S100A9: variants seen among roughly 807,000 people sequenced by gnomAD.
S100A9 encodes the protein S100 calcium binding protein A9, also known as protein S100-A9.
Under a neutral mutation model 4.3 loss-of-function variants are expected in S100A9, and 2 were observed. That is an observed-to-expected ratio of 0.47 (90% CI 0.19 to 1.48). The LOEUF is 1.48. S100A9 is among the 40% of genes most tolerant of loss of function. S100A9 has a pLI of 0.24. For synonymous variants in S100A9, 67 were observed against 54.0 expected (o/e 1.24, Z -1.06); for missense variants, 130 against 144.4 (o/e 0.90, Z 0.51).
Position 153,360,399 on chromosome 1 carries a change from C to T in S100A9, c.151-245C>T, listed in dbSNP as rs543406695. 1.6e-4 allele frequency among the ~76,000 whole-genome samples: 25 copies of T among 152,290 alleles called. No homozygotes were observed. The South Asian group carries it at 5.2e-3, about 32-fold the overall frequency. ...GGGCAAGACCCTGGAACTCAGCTTCCTCTTCTATAAATAGAGAATCAGCAC... is the reference window on the plus strand; with the variant it reads ...GGGCAAGACCCTGGAACTCAGCTTCTTCTTCTATAAATAGAGAATCAGCAC... On this transcript the variant is annotated intron_variant, in intron 2 of 2. Transcript: ENST00000368738.
At chr1:153,359,257 C>T (rs1227430310) in intron 2 of S100A9, among the ~76,000 whole-genome samples, 1 of 152,046 alleles carries the variant, frequency 6.6e-6, no homozygotes, top group Non-Finnish European at 1.5e-5. Context: ...TGGGGTAGGT[C>T]CCCAGCCCTC....
At chr1:153,358,628 A>T (rs569420520) in intron 2 of S100A9, among the ~76,000 whole-genome samples, 195 bp downstream of exon 2, 1 of 152,310 alleles carries the variant, frequency 6.6e-6, no homozygotes, top group East Asian at 1.9e-4. Flanking sequence ...GAAATTGCTC[A>T]ATTGAACACC....
rs759389626 is a variant in S100A9 at position 153,358,287 on chromosome 1, A to T, written c.4A>T (p.Thr2Ser). ...TACACAGACAGAGTGCAAGACGATG[A>T]CTTGCAAAATGTCGCAGCTGGAACG... M[T>S]CKMSQLERNI... The change falls in exon 2 of 3, where the codon ACT (threonine) becomes TCT (serine). Residue 2 changes from threonine to serine, a missense_variant. Physicochemically the swap from Thr to Ser is moderately conservative, Grantham distance 58. Coordinates refer to ENST00000368738, the MANE Select transcript of S100A9 (RefSeq NM_002965.4). The T allele has an allele frequency of 6.3e-6, 10 of 1,594,044 alleles. No homozygotes were observed. The African/African-American group carries it at 1.2e-4, about 19-fold the overall frequency.
intron 2 of S100A9, among the ~76,000 whole-genome samples, chr1:153,359,077 T>A (rs898307538): frequency 6.6e-6 from 1 of 152,154 alleles, no homozygotes; most frequent in Admixed American, 6.5e-5. Flanking sequence ...TGGGAGGTTT[T>A]TCCCCCGCTC....
chr1:153,357,906 G>C (rs1661375630), intron 1 of S100A9, 25 bp downstream of exon 1: 1 of 158,450 alleles, frequency 6.3e-6, no homozygotes, highest in Non-Finnish European at 1.4e-5. Context: ...AGCTTCCCCA[G>C]GCAGAAGCCT....
chr1:153,359,930 C>G (rs1363596071), intron 2 of S100A9, among the ~76,000 whole-genome samples: 2 of 152,034 alleles, frequency 1.3e-5, no homozygotes, highest in African/African-American at 4.8e-5. Context: ...CTTAGGTGAT[C>G]TGCCTGCCTC....
rs780199670 is a variant in S100A9, at chr1:153,358,347, T to C, written c.64T>C (p.Tyr22His). ...GACCATCATCAACACCTTCCACCAA[T>C]ACTCTGTGAAGCTGGGGCACCCAGA... ...IETIINTFHQ[Y>H]SVKLGHPDTL... The change falls in exon 2 of 3, where the codon TAC becomes CAC. Residue 22 changes from tyrosine (Y) to histidine (H), a missense_variant. Physicochemically the swap from Tyr to His is moderately conservative, Grantham distance 83. Transcript: ENST00000368738. 1.9e-6 allele frequency: 3 copies of C among 1,613,238 alleles called. No homozygotes were observed. The highest frequency in any genetic ancestry group is 1.1e-5 in the South Asian group (1 of 90,964).
chr1:153,358,770 G>A (rs1333011234), intron 2 of S100A9, among the ~76,000 whole-genome samples: 1 of 152,186 alleles, frequency 6.6e-6, no homozygotes, highest in Non-Finnish European at 1.5e-5. Flanking sequence ...ATGCCAATAA[G>A]TGCCTGGAAG....
chr1:153,360,623 G>A, intron 2 of S100A9, 21 bp from the exon 3 acceptor site: 1 of 1,568,538 alleles, frequency 6.4e-7, no homozygotes, highest in Non-Finnish European at 8.7e-7. Context: ...AGCTCTCACA[G>A]CCTTCTCTCC....
chr1:153,358,359 C>G lies in S100A9; in HGVS notation c.76C>G (p.Leu26Val). 6.2e-7 allele frequency: 1 copy of G among 1,613,342 alleles called. No homozygotes were observed. The highest frequency in any genetic ancestry group is 8.5e-7 in the Non-Finnish European group (1 of 1,179,468). The change falls in exon 2 of 3, where the codon CTG becomes GTG. Residue 26 changes from leucine (L) to valine (V), a missense_variant. Transcript: ENST00000368738. The part of the protein sequence containing the change: ...INTFHQYSVK[L>V]GHPDTLNQGE... The stretch of plus-strand genomic sequence containing the variant: ...CACCTTCCACCAATACTCTGTGAAG[C>G]TGGGGCACCCAGACACCCTGAACCA...
chr1:153,359,080 C>T (rs1661399046), intron 2 of S100A9, among the ~76,000 whole-genome samples: 1 of 152,070 alleles, frequency 6.6e-6, no homozygotes, highest in South Asian at 2.1e-4. Flanking sequence ...GAGGTTTTTC[C>T]CCCGCTCCAA....
rs772744514 is a variant in S100A9 at position 153,360,853 on chromosome 1, A to G, written c.*15A>G. 2.2e-5 allele frequency: 34 copies of G among 1,566,762 alleles called. 1 individual carries two copies. In the South Asian group the frequency reaches 3.9e-4, roughly 18 times the overall value. On this transcript the variant is annotated 3_prime_UTR_variant, in exon 3 of 3. Coordinates refer to ENST00000368738, the MANE Select transcript of S100A9 (RefSeq NM_002965.4). ...GCACCCCCTAAGACCACAGTGGCCA[A>G]GATCACAGTGGCCACGGCCACGGCC... is the stretch of plus-strand genomic sequence containing the variant.
Position 153,358,403 on chromosome 1 carries a change from G to C in S100A9, c.120G>C (p.Leu40=), listed in dbSNP as rs1424650910. 2 of 1,611,718 alleles carry C rather than the reference G, an allele frequency of 1.2e-6. No individual in the cohort carries two copies. The highest frequency in any genetic ancestry group is 2.7e-5 in the African/African-American group (2 of 74,828). Residue 40 remains leucine (L), a synonymous_variant, in exon 2 of 3, where the codon CTG becomes CTC. Coordinates refer to ENST00000368738, the MANE Select transcript of S100A9 (RefSeq NM_002965.4). The part of the protein sequence containing the change: ...DTLNQGEFKE[L]VRKDLQNFLK... ...TGAACCAGGGGGAATTCAAAGAGCTGGTGCGAAAAGATCTGCAAAATTTTC... is the reference window on the plus strand; with the variant it reads ...TGAACCAGGGGGAATTCAAAGAGCTCGTGCGAAAAGATCTGCAAAATTTTC...
In S100A9 at chr1:153,360,829, C is replaced by T; in HGVS notation, c.336C>T (p.Gly112=). The change falls in exon 3 of 3, where the codon GGC becomes GGT. Residue 112 remains glycine (G), a synonymous_variant. Coordinates refer to ENST00000368738, the MANE Select transcript of S100A9 (RefSeq NM_002965.4). ...GHHHKPGLGE[G]TP is the part of the protein sequence containing the mutation. Reference sequence around the variant, plus strand: ...ACCATAAGCCAGGCCTCGGGGAGGGCACCCCCTAAGACCACAGTGGCCAAG... The same window carrying T: ...ACCATAAGCCAGGCCTCGGGGAGGGTACCCCCTAAGACCACAGTGGCCAAG... 1 of 1,604,450 alleles carries T rather than the reference C, an allele frequency of 6.2e-7. No individual in the cohort carries two copies. Among genetic ancestry groups the T allele is most frequent in the South Asian group, 1.1e-5 (1 of 89,824 alleles).
In S100A9 at chr1:153,360,921, A is replaced by G; in HGVS notation, c.*83A>G. ...GGCCACAGCCACTAATCAGGAGGCC[A>G]GGCCACCCTGCCTCTACCCAACCAG... On this transcript the variant is annotated 3_prime_UTR_variant, in exon 3 of 3. Coordinates refer to ENST00000368738, the MANE Select transcript of S100A9 (RefSeq NM_002965.4). The G allele has an allele frequency of 8.9e-7, 1 of 1,129,304 alleles. No homozygotes were observed. The highest frequency in any genetic ancestry group is 1.2e-6 in the Non-Finnish European group (1 of 807,360). 70.0% of individuals were successfully genotyped at this position (1,129,304 alleles called of 1,614,324 possible).
intron 2 of S100A9, among the ~76,000 whole-genome samples, chr1:153,359,372 G>A (rs1343645301): frequency 1.3e-5 from 2 of 152,120 alleles, no homozygotes; most frequent in Non-Finnish European, 2.9e-5. Context: ...GCAGGATGCT[G>A]GGTGGGGTAG....
Position 153,360,949 on chromosome 1 carries a change from C to A in S100A9, c.*111C>A. The A allele has an allele frequency of 1.3e-6, 1 of 790,110 alleles. No individual in the cohort carries two copies. Among genetic ancestry groups the A allele is most frequent in the Middle Eastern group, 3.8e-4 (1 of 2,664 alleles). 48.9% of individuals were successfully genotyped at this position (790,110 alleles called of 1,614,324 possible). On this transcript the variant is annotated 3_prime_UTR_variant, in exon 3 of 3. Coordinates refer to ENST00000368738, the MANE Select transcript of S100A9 (RefSeq NM_002965.4). ...CCACCCTGCCTCTACCCAACCAGGG[C>A]CCCGGGGCCTGTTATGTCAAACTGT...
chr1:153,360,045 C>A (rs1661419961), intron 2 of S100A9, among the ~76,000 whole-genome samples: 1 of 152,102 alleles, frequency 6.6e-6, no homozygotes, highest in Middle Eastern at 3.2e-3. Context: ...ATACTCTGCT[C>A]TCTGACCCTC....
intron 2 of S100A9, among the ~76,000 whole-genome samples, chr1:153,358,848 G>A (rs1661395519): frequency 6.6e-6 from 1 of 152,068 alleles, no homozygotes; most frequent in Non-Finnish European, 1.5e-5. Flanking sequence ...TAGGGTACAT[G>A]AGAAGGGCCT....
Sources: allele counts gnomAD v4.1 joint callset (sites outside exome capture counted in the v4.1 genomes callset), GRCh38; gene constraint gnomAD v4.1.1; transcripts MANE v1.5; gene names NCBI Gene and HGNC (gene_info 2026-07-23, HGNC 2026-07-21).